Variants in LCOR observed in about 807,000 individuals in gnomAD.
LCOR encodes ligand dependent nuclear receptor corepressor, also known as ligand-dependent corepressor.
A neutral mutation model predicts 64.4 loss-of-function variants in LCOR; 14 were observed. The observed-to-expected ratio is 0.22, with a 90% CI of 0.14 to 0.34. The LOEUF (loss-of-function observed/expected upper bound fraction) is 0.34, where lower values mean the gene tolerates loss of function less well. LCOR is among the 10% of genes least tolerant of loss of function. The pLI is 1.00. For missense variants in LCOR, 1,686 were observed against 1,765.3 expected (o/e 0.96, Z 0.80); for synonymous variants, 643 against 642.5 (o/e 1.00, Z -0.01).
At chr10:96,845,616 C>T (rs570815880) in intron 2 of LCOR, among the ~76,000 whole-genome samples, 12 of 150,920 alleles carry the variant, frequency 8.0e-5, no homozygotes, top group African/African-American at 2.2e-4. Flanking sequence ...TACAGGTGCT[C>T]GCCACCTCGC....
intron 5 of LCOR, among the ~76,000 whole-genome samples, chr10:96,946,719 T>C (rs929365912): frequency 1.3e-5 from 2 of 152,126 alleles, no homozygotes; most frequent in East Asian, 3.8e-4. Flanking sequence ...TCATAAACAC[T>C]GTCTTGTCTC....
At chr10:96,924,264 G>A (rs933186503) in intron 4 of LCOR, among the ~76,000 whole-genome samples, 3 of 152,092 alleles carry the variant, frequency 2.0e-5, no homozygotes, top group African/African-American at 4.8e-5. Context: ...GTGCAGTGAC[G>A]TGATCTCGGC....
chr10:96,970,823 T>C (rs2134554473), intron 7 of LCOR, among the ~76,000 whole-genome samples: 1 of 151,908 alleles, frequency 6.6e-6, no homozygotes, highest in African/African-American at 2.4e-5. Context: ...TTTGCCATGT[T>C]GCCCAGGCTG....
chr10:96,983,175 G>C lies in LCOR; in HGVS notation c.2715G>C (p.Gly905=). 1 of 1,614,142 alleles carries C rather than the reference G, an allele frequency of 6.2e-7. No homozygotes were observed. Residue 905 remains glycine, a synonymous_variant, in exon 8 of 8, where the codon GGG becomes GGC. Coordinates refer to ENST00000421806, the MANE Select transcript of LCOR (RefSeq NM_001346516.2). This position sits in a 1 kb window ranked among gnomAD's most constrained non-coding sequence, Gnocchi z 4.5. ...KDAEQEGEGG[G]IITRQTLKNM... ...CTGAGCAGGAGGGCGAAGGCGGGGG[G>C]ATCATCACCAGGCAGACTTTGAAAA...
At chr10:96,841,286 T>C (rs1845535796) in intron 2 of LCOR, among the ~76,000 whole-genome samples, 1 of 152,104 alleles carries the variant, frequency 6.6e-6, no homozygotes, top group Non-Finnish European at 1.5e-5. Flanking sequence ...AAGCAGAAAG[T>C]ATCAGAAAAT....
intron 2 of LCOR, among the ~76,000 whole-genome samples, chr10:96,901,559 A>G (rs771962244): frequency 1.3e-5 from 2 of 152,320 alleles, no homozygotes; most frequent in Middle Eastern, 3.4e-3. Flanking sequence ...GACTCAAGTC[A>G]GTAATCAACA....
chr10:96,870,790 A>G (rs1846060188), intron 2 of LCOR, among the ~76,000 whole-genome samples: 1 of 152,190 alleles, frequency 6.6e-6, no homozygotes, highest in Admixed American at 6.5e-5. Flanking sequence ...ATTTAGAATC[A>G]AGTCGCTCAT....
intron 2 of LCOR, among the ~76,000 whole-genome samples, chr10:96,853,605 A>G (rs775718756): frequency 6.6e-6 from 1 of 152,134 alleles, no homozygotes; most frequent in Non-Finnish European, 1.5e-5. Flanking sequence ...GACTTGCTCC[A>G]TGTCTGGGGT....
At position 96,981,628 on chromosome 10, in the gene LCOR, C is replaced by T. The variant is rs748370218; in HGVS notation, c.1168C>T (p.Pro390Ser). ...DLEANEQDAR[P>S]KQENHLHSLG... is the part of the protein sequence containing the mutation. ...AGAGGCAAATGAACAAGATGCAAGG[C>T]CAAAGCAAGAGAACCATCTTCACTC... The change falls in exon 8 of 8, where the codon CCA becomes TCA. Residue 390 changes from proline (P) to serine (S), a missense_variant. This residue lies in a region of LCOR where 313 missense variants were observed against 247.2 expected (regional missense o/e 1.27). Transcript: ENST00000421806. 1 of 1,614,170 alleles carries T rather than the reference C, an allele frequency of 6.2e-7. No homozygotes were observed. The highest frequency in any genetic ancestry group is 1.1e-5 in the South Asian group (1 of 91,084).
chr10:96,879,914 C>T (rs371621514), intron 2 of LCOR, among the ~76,000 whole-genome samples: 13 of 152,140 alleles, frequency 8.5e-5, no homozygotes, highest in African/African-American at 2.4e-4. Context: ...CTGCCCACCT[C>T]GGCCTCCCAA....
chr10:96,882,035 A>C (rs960937288), intron 2 of LCOR, among the ~76,000 whole-genome samples: 1 of 152,144 alleles, frequency 6.6e-6, no homozygotes, highest in East Asian at 1.9e-4. Flanking sequence ...CAGCTCTCAG[A>C]CTTGTTGGTC....
intron 2 of LCOR, among the ~76,000 whole-genome samples, chr10:96,872,159 A>G (rs1846082478): frequency 6.6e-6 from 1 of 152,258 alleles, no homozygotes; most frequent in African/African-American, 2.4e-5. Flanking sequence ...GCCATGTCTG[A>G]TAGTCTACAT....
At chr10:96,925,293 C>G (rs923954666) in intron 4 of LCOR, among the ~76,000 whole-genome samples, 1 of 152,098 alleles carries the variant, frequency 6.6e-6, no homozygotes, top group Admixed American at 6.5e-5. Context: ...CCAGGCTGGT[C>G]TTGAACTCCT....
In LCOR at chr10:96,989,285, C is replaced by A. The variant is rs1182227343; in HGVS notation, c.*4151C>A. The A allele has an allele frequency of 6.6e-6, 1 of 152,236 alleles. No homozygotes were observed. The highest frequency in any genetic ancestry group is 1.5e-5 in the Non-Finnish European group (1 of 68,046). 9.4% of individuals were successfully genotyped at this position (152,236 alleles called of 1,614,324 possible). ...CTAAAATTATGTGGCCTGGGCCTCT[C>A]ATTTCACTCACACAGAACTGACTCT... is the stretch of plus-strand genomic sequence containing the variant. On this transcript the variant is annotated 3_prime_UTR_variant, in exon 8 of 8. Coordinates refer to ENST00000421806, the MANE Select transcript of LCOR (RefSeq NM_001346516.2).
intron 7 of LCOR, chr10:96,964,068 C>T (rs1161367323): frequency 6.6e-6 from 1 of 151,970 alleles, no homozygotes; most frequent in Non-Finnish European, 1.5e-5. Context: ...ACTTTTTGTT[C>T]CTTGCTATGA....
chr10:96,962,818 C>T (rs995745081), intron 7 of LCOR: 1 of 152,068 alleles, frequency 6.6e-6, no homozygotes, highest in Non-Finnish European at 1.5e-5. Flanking sequence ...TTCTTTATAA[C>T]CTCCACTTAA....
At chr10:96,895,459 C>G (rs1488497903) in intron 2 of LCOR, among the ~76,000 whole-genome samples, 1 of 152,186 alleles carries the variant, frequency 6.6e-6, no homozygotes, top group Non-Finnish European at 1.5e-5. Context: ...TCATAATAGT[C>G]TCCTAATGCT....
intron 4 of LCOR, among the ~76,000 whole-genome samples, chr10:96,943,536 A>G (rs1284260989): frequency 6.6e-6 from 1 of 152,226 alleles, no homozygotes; most frequent in Non-Finnish European, 1.5e-5. Flanking sequence ...CACTTAATCA[A>G]TTTACAACCC....
At chr10:96,886,186 T>A (rs919276054) in intron 2 of LCOR, among the ~76,000 whole-genome samples, 1 of 152,162 alleles carries the variant, frequency 6.6e-6, no homozygotes, top group Non-Finnish European at 1.5e-5. Context: ...CTAAAGACTT[T>A]GTCATACATC....
Sources: allele counts gnomAD v4.1 joint callset (sites outside exome capture counted in the v4.1 genomes callset), GRCh38; gene constraint gnomAD v4.1.1; regional missense constraint gnomAD v4.1.1; non-coding constraint Gnocchi (gnomAD v3.1); transcripts MANE v1.5; gene names NCBI Gene and HGNC (gene_info 2026-07-23, HGNC 2026-07-21).